The following RYR2 variants were observed in gnomAD, a reference collection of about 807,000 sequenced individuals.
RYR2 encodes ryanodine receptor 2, also known as cardiac muscle ryanodine receptor-calcium release channel.
In RYR2, 227 loss-of-function variants were observed where a neutral mutation model predicts 601.1. The observed-to-expected ratio is 0.38, with a 90% confidence interval of 0.34 to 0.42. RYR2 has a LOEUF of 0.42. Among genes scored for constraint, RYR2 ranks in the 10% least tolerant of loss-of-function variants. RYR2 has a pLI of 1.00. For synonymous variants in RYR2, 2,223 were observed against 2,175.1 expected (o/e 1.02, Z -0.61); for missense variants, 4,646 against 6,156.5 (o/e 0.75, Z 8.21).
chr1:237,109,953 G>C (rs1243753721), intron 1 of RYR2, among the ~76,000 whole-genome samples: 1 of 151,908 alleles, frequency 6.6e-6, no homozygotes, highest in East Asian at 1.9e-4. Context: ...TCACAAGACA[G>C]ACACAGGGCC....
chr1:237,186,054 C>G (rs548105600), intron 1 of RYR2, among the ~76,000 whole-genome samples: 3 of 152,320 alleles, frequency 2.0e-5, no homozygotes, highest in Admixed American at 1.3e-4. Context: ...CCTGCAGGCT[C>G]TCATGGGTCT....
intron 1 of RYR2, among the ~76,000 whole-genome samples, chr1:237,202,188 C>A (rs1268648725): frequency 6.6e-6 from 1 of 152,158 alleles, no homozygotes; most frequent in Non-Finnish European, 1.5e-5. Context: ...TTAACATTTC[C>A]CTCAAGGTAG....
chr1:237,537,235 C>T (rs1255354425), intron 25 of RYR2, among the ~76,000 whole-genome samples: 1 of 152,194 alleles, frequency 6.6e-6, no homozygotes, highest in East Asian at 1.9e-4. Context: ...AAAGAATATT[C>T]ATTGCAGCAT....
intron 71 of RYR2, among the ~76,000 whole-genome samples, chr1:237,714,686 T>C (rs1029486202): frequency 2.6e-5 from 4 of 152,002 alleles, no homozygotes; most frequent in Admixed American, 6.6e-5. Flanking sequence ...GATTGATTGA[T>C]TGATTAAAGA....
chr1:237,270,664 T>A, intron 2 of RYR2, 48 bp downstream of exon 2: 1 of 1,548,950 alleles, frequency 6.5e-7, no homozygotes, highest in Non-Finnish European at 8.7e-7. Context: ...GTTTTACTAG[T>A]GGCATTGAAG....
At chr1:237,120,063 C>T (rs749222349) in intron 1 of RYR2, among the ~76,000 whole-genome samples, 6 of 152,092 alleles carry the variant, frequency 3.9e-5, no homozygotes, top group Non-Finnish European at 5.9e-5. Context: ...GGAGTCAGAC[C>T]ACTGGGTTTT....
intron 42 of RYR2, 139 bp from the exon 43 acceptor site, chr1:237,633,439 T>G: frequency 1.0e-6 from 1 of 977,370 alleles, no homozygotes; most frequent in Non-Finnish European, 1.5e-6. Flanking sequence ...AGTCTGCACA[T>G]TTGAAGATCT....
At chr1:237,331,621 G>T (rs2149571676) in intron 3 of RYR2, among the ~76,000 whole-genome samples, 1 of 151,764 alleles carries the variant, frequency 6.6e-6, no homozygotes, top group East Asian at 1.9e-4. Context: ...TCCTGCCTCA[G>T]CCTCCTGAGT....
chr1:237,784,723 C>T lies in RYR2; in HGVS notation c.13011C>T (p.Pro4337=), dbSNP rs556345275. ...VAELLANMPD[P]TQDEVRGDGE... ...AACTGTTAGCCAACATGCCAGACCC[C>T]ACTCAGGATGAGGTTAGAGGAGATG... Residue 4337 remains proline (P), a synonymous_variant, in exon 90 of 105, where the codon CCC becomes CCT. Transcript: ENST00000366574. This position sits in a 1 kb window ranked among gnomAD's most constrained non-coding sequence, Gnocchi z 7.1. 2 of 1,605,326 alleles carry T rather than the reference C, an allele frequency of 1.2e-6. No individual in the cohort carries two copies. Among genetic ancestry groups the T allele is most frequent in the Non-Finnish European group, 8.5e-7 (1 of 1,174,896 alleles).
At chr1:237,056,762 A>G (rs1662183253) in intron 1 of RYR2, among the ~76,000 whole-genome samples, 1 of 148,226 alleles carries the variant, frequency 6.7e-6, no homozygotes, top group Admixed American at 6.7e-5. Flanking sequence ...GGAGCACTGC[A>G]CCTGTGAGGA....
At chr1:237,736,568 C>T (rs892553948) in intron 79 of RYR2, among the ~76,000 whole-genome samples, 1 of 152,072 alleles carries the variant, frequency 6.6e-6, no homozygotes, top group Non-Finnish European at 1.5e-5. Flanking sequence ...TATTTGCTCG[C>T]TCTCTCTCTG....
chr1:237,390,355 G>A (rs79447782), intron 10 of RYR2, among the ~76,000 whole-genome samples: 2,543 of 152,216 alleles, frequency 0.017, 33 homozygotes, highest in South Asian at 0.03. Context: ...CCAGTTGTGT[G>A]ACTCATGTAG....
At chr1:237,682,302 C>T (rs1191207694) in intron 62 of RYR2, among the ~76,000 whole-genome samples, 2 of 152,158 alleles carry the variant, frequency 1.3e-5, no homozygotes, top group African/African-American at 4.8e-5. Context: ...AGAGGTACAT[C>T]GCTATTTTGT....
At chr1:237,223,934 AT>A (rs1684090261) in intron 1 of RYR2, among the ~76,000 whole-genome samples, 1 of 152,204 alleles carries the variant, frequency 6.6e-6, no homozygotes, top group South Asian at 2.1e-4. Context: ...AATGTGAGTC[AT>A]TTTCCTACAA....
intron 19 of RYR2, among the ~76,000 whole-genome samples, chr1:237,494,035 G>C (rs1437581744): frequency 6.6e-6 from 1 of 152,082 alleles, no homozygotes; most frequent in South Asian, 2.1e-4. Flanking sequence ...CAGAGACTGA[G>C]CTTATAACCA....
At chr1:237,550,046 G>A (rs1670226545) in intron 26 of RYR2, among the ~76,000 whole-genome samples, 1 of 152,172 alleles carries the variant, frequency 6.6e-6, no homozygotes, top group Non-Finnish European at 1.5e-5. Context: ...CTGGTTGGTG[G>A]ATTCAACCCA....
chr1:237,785,829 A>G, intron 90 of RYR2, 140 bp from the exon 91 acceptor site: 1 of 673,766 alleles, frequency 1.5e-6, no homozygotes, highest in South Asian at 1.7e-5. Context: ...AAAATGAAAA[A>G]CACGTGGCGC....
intron 1 of RYR2, among the ~76,000 whole-genome samples, chr1:237,072,839 T>C (rs1230628263): frequency 1.3e-5 from 2 of 151,312 alleles, no homozygotes; most frequent in African/African-American, 4.9e-5. Flanking sequence ...TCCCAGCTAC[T>C]TGGGAGGCTG....
chr1:237,664,867 G>A (rs186117219), intron 56 of RYR2, among the ~76,000 whole-genome samples: 2 of 152,232 alleles, frequency 1.3e-5, no homozygotes, highest in East Asian at 3.9e-4. Context: ...ATGTTGTGGT[G>A]GGCAAAATTA....
Sources: allele counts gnomAD v4.1 joint callset (sites outside exome capture counted in the v4.1 genomes callset), GRCh38; gene constraint gnomAD v4.1.1; non-coding constraint Gnocchi (gnomAD v3.1); transcripts MANE v1.5; gene names NCBI Gene and HGNC (gene_info 2026-07-23, HGNC 2026-07-21).